The following ZNF532 variants were observed in gnomAD, a reference collection of about 807,000 sequenced individuals.
ZNF532 encodes zinc finger protein 532.
Under a neutral mutation model 89.3 loss-of-function variants are expected in ZNF532, and 22 were observed. The ratio of observed to expected loss-of-function variants is 0.25; its 90% CI spans 0.18 to 0.35. The LOEUF (loss-of-function observed/expected upper bound fraction) is 0.35, where lower values mean the gene tolerates loss of function less well. ZNF532 is among the 10% of genes least tolerant of loss of function. ZNF532 has a pLI of 1.00. For missense variants in ZNF532, 1,132 were observed against 1,643.4 expected (o/e 0.69, Z 5.38); for synonymous variants, 606 against 649.6 (o/e 0.93, Z 1.02).
chr18:58,866,427 T>C (rs1972457725), intron 2 of ZNF532, among the ~76,000 whole-genome samples: 1 of 152,128 alleles, frequency 6.6e-6, no homozygotes, highest in Non-Finnish European at 1.5e-5. Flanking sequence ...TTGCCTTGGG[T>C]TCCTTGTGAA....
intron 3 of ZNF532, among the ~76,000 whole-genome samples, chr18:58,930,941 A>G (rs1281819542): frequency 6.6e-6 from 1 of 152,196 alleles, no homozygotes; most frequent in Non-Finnish European, 1.5e-5. Flanking sequence ...ACCTCAGGAT[A>G]CAGAGAGTTG....
At chr18:58,944,396 G>T (rs1167348552) in intron 5 of ZNF532, among the ~76,000 whole-genome samples, 3 of 151,436 alleles carry the variant, frequency 2.0e-5, no homozygotes, top group Admixed American at 2.0e-4. Flanking sequence ...TACTGGCTTT[G>T]TTGTGGTGTA....
At chr18:58,944,876 T>G (rs1005259474) in intron 5 of ZNF532, among the ~76,000 whole-genome samples, 1 of 152,178 alleles carries the variant, frequency 6.6e-6, no homozygotes, top group African/African-American at 2.4e-5. Flanking sequence ...CATTGGTCTG[T>G]CTCCCTCCCT....
At chr18:58,963,692 T>A in intron 7 of ZNF532, among the ~76,000 whole-genome samples, 1 of 151,324 alleles carries the variant, frequency 6.6e-6, no homozygotes, top group East Asian at 1.9e-4. Context: ...GTGCAGTGGC[T>A]CACGCCTGTA....
intron 2 of ZNF532, among the ~76,000 whole-genome samples, chr18:58,910,999 C>T (rs1259108815): frequency 6.6e-6 from 1 of 152,142 alleles, no homozygotes. Flanking sequence ...CTGCCTTGGC[C>T]TCCCAAAGTG....
chr18:58,882,916 G>T (rs2058035777), intron 2 of ZNF532, among the ~76,000 whole-genome samples: 1 of 151,800 alleles, frequency 6.6e-6, no homozygotes, highest in South Asian at 2.1e-4. Flanking sequence ...GAAGCCTTGA[G>T]AAAAGAAATC....
chr18:58,954,153 G>A lies in ZNF532; in HGVS notation c.3150+354G>A, dbSNP rs937017003. On this transcript the variant is annotated intron_variant, in intron 7 of 9. Coordinates refer to ENST00000591808, the MANE Select transcript of ZNF532 (RefSeq NM_001375912.1). The stretch of plus-strand genomic sequence containing the variant: ...TCCTTGTGCCAGCTAAGGAAGAAAG[G>A]AGCAGAGAAAGACAGTGGAAATGTT... 19 of 973,704 alleles carry A rather than the reference G, an allele frequency of 2.0e-5. No individual in the cohort carries two copies. In the African/African-American group the frequency reaches 3.0e-4, roughly 15 times the overall value. 60.3% of individuals were successfully genotyped at this position (973,704 alleles called of 1,614,324 possible). A position where few individuals can be genotyped will look rare whatever the true frequency, so the allele number is the denominator to read the frequency against.
Position 58,888,886 on chromosome 18 carries a change from A to G in ZNF532, c.-18+23307A>G, listed in dbSNP as rs1255442409. 1.5e-4 allele frequency among the ~76,000 whole-genome samples: 8 copies of G among 51,696 alleles called. 1 individual carries two copies. In the East Asian group the frequency reaches 8.0e-3, roughly 52 times the overall value. The allele number at this position is 51,696 out of a possible 152,430, so 33.9% of individuals were successfully genotyped here. On this transcript the variant is annotated intron_variant, in intron 2 of 9. Coordinates refer to ENST00000591808, the MANE Select transcript of ZNF532 (RefSeq NM_001375912.1). ...TATATATAATATATATTATATATAT[A>G]TATTTTATATATATATATATATATA...
At chr18:58,882,079 T>G (rs566290182) in intron 2 of ZNF532, among the ~76,000 whole-genome samples, 14 of 152,286 alleles carry the variant, frequency 9.2e-5, no homozygotes, top group African/African-American at 3.4e-4. Flanking sequence ...CACCTCAGCC[T>G]CCTGCGTAGC....
chr18:58,942,863 A>G (rs1368372584), intron 5 of ZNF532, among the ~76,000 whole-genome samples: 4 of 152,230 alleles, frequency 2.6e-5, no homozygotes, highest in African/African-American at 9.6e-5. Context: ...AATGTATGCA[A>G]ATGATTTGCA....
chr18:58,956,551 C>T (rs757611253), intron 7 of ZNF532, among the ~76,000 whole-genome samples: 3 of 152,154 alleles, frequency 2.0e-5, no homozygotes, highest in African/African-American at 2.4e-5. Context: ...TTCTCCTTTC[C>T]TAGAATACTT....
At chr18:58,926,173 G>A (rs541961264) in intron 3 of ZNF532, 1 of 152,268 alleles carries the variant, frequency 6.6e-6, no homozygotes, top group African/African-American at 2.4e-5. Context: ...CAGTTTGGGG[G>A]AGAATTGACA....
At chr18:58,973,394 G>A (rs758222244) in intron 7 of ZNF532, among the ~76,000 whole-genome samples, 5 of 152,342 alleles carry the variant, frequency 3.3e-5, no homozygotes, top group Middle Eastern at 3.4e-3. Context: ...GAGCCACTGT[G>A]CCTGGCCAGA....
At chr18:58,929,337 G>C (rs1026743080) in intron 3 of ZNF532, among the ~76,000 whole-genome samples, 2 of 152,088 alleles carry the variant, frequency 1.3e-5, no homozygotes, top group Non-Finnish European at 2.9e-5. Context: ...AACTTTCTGG[G>C]CATCGTTAAT....
rs537668841 is a variant in ZNF532 at position 58,925,719 on chromosome 18, T to A, written c.2346+5086T>A. 8.5e-5 allele frequency among the ~76,000 whole-genome samples: 13 copies of A among 152,370 alleles called. No individual in the cohort carries two copies. The South Asian group carries it at 2.7e-3, about 32-fold the overall frequency. On this transcript the variant is annotated intron_variant, in intron 3 of 9. Transcript: ENST00000591808. ...AACATTTTCTTCTGTGTTTTTTTCC[T>A]CAACGTTTTATAATTCTGTGATTTA...
chr18:58,944,257 C>G (rs951268202), intron 5 of ZNF532, among the ~76,000 whole-genome samples: 1 of 152,122 alleles, frequency 6.6e-6, no homozygotes, highest in African/African-American at 2.4e-5. Flanking sequence ...TTGAAGTATT[C>G]TGGAGAGTTT....
intron 7 of ZNF532, among the ~76,000 whole-genome samples, chr18:58,971,520 A>C (rs1278159224): frequency 6.6e-6 from 1 of 152,186 alleles, no homozygotes; most frequent in African/African-American, 2.4e-5. Flanking sequence ...TCTTGGTTTT[A>C]AGGTACAAGG....
intron 7 of ZNF532, among the ~76,000 whole-genome samples, chr18:58,960,845 A>T (rs2065277196): frequency 6.6e-6 from 1 of 152,192 alleles, no homozygotes; most frequent in Non-Finnish European, 1.5e-5. Context: ...AATTATAGGA[A>T]GAGAAGCTAG....
chr18:58,947,140 A>T (rs1429474504), intron 5 of ZNF532, among the ~76,000 whole-genome samples: 1 of 152,192 alleles, frequency 6.6e-6, no homozygotes, highest in East Asian at 1.9e-4. Context: ...GGAAATACAG[A>T]TGCCCATAGG....
Sources: allele counts gnomAD v4.1 joint callset (sites outside exome capture counted in the v4.1 genomes callset), GRCh38; gene constraint gnomAD v4.1.1; transcripts MANE v1.5; gene names NCBI Gene and HGNC (gene_info 2026-07-23, HGNC 2026-07-21).